Variants in CCNY observed in about 807,000 individuals in gnomAD.
The protein encoded by CCNY is cyclin Y.
In CCNY, 19 loss-of-function variants were observed where a neutral mutation model predicts 42.8. The ratio of observed to expected loss-of-function variants is 0.44; its 90% CI spans 0.31 to 0.65. The LOEUF is 0.65. CCNY is among the 30% of genes least tolerant of loss of function. CCNY has a pLI of 0.07. For synonymous variants in CCNY, 165 were observed against 162.7 expected (o/e 1.01, Z -0.11); for missense variants, 370 against 437.3 (o/e 0.85, Z 1.37).
chr10:35,352,454 G>C (rs1201913788), intron 1 of CCNY, among the ~76,000 whole-genome samples: 1 of 152,228 alleles, frequency 6.6e-6, no homozygotes. Flanking sequence ...ACTAGGCTTA[G>C]AGCCACAGCC....
chr10:35,459,889 G>A lies in CCNY; in HGVS notation c.155-23515G>A, dbSNP rs373577034. ...ACTTGGAGGGAGTACTTTATACCAGGACTAACAAGTACAGCTAACTGATCT... is the reference window on the plus strand; with the variant it reads ...ACTTGGAGGGAGTACTTTATACCAGAACTAACAAGTACAGCTAACTGATCT... On this transcript the variant is annotated intron_variant, in intron 1 of 9. Coordinates refer to ENST00000374704, the MANE Select transcript of CCNY (RefSeq NM_145012.6). Among the ~76,000 whole-genome samples, 5 of 152,100 alleles carry A rather than the reference G, an allele frequency of 3.3e-5. No homozygotes were observed. In the East Asian group the frequency reaches 5.8e-4, roughly 18 times the overall value.
At chr10:35,485,990 C>A (rs549251913) in intron 2 of CCNY, among the ~76,000 whole-genome samples, 15 of 152,158 alleles carry the variant, frequency 9.9e-5, no homozygotes, top group African/African-American at 3.6e-4. Context: ...TGTCAACTGT[C>A]GTGTCTAACC....
chr10:35,305,597 T>A (rs1026241290), intron 3 of CCNY, among the ~76,000 whole-genome samples: 4 of 152,246 alleles, frequency 2.6e-5, no homozygotes, highest in Admixed American at 2.6e-4. Context: ...GTAAGGTTTG[T>A]GCTACTTATC....
chr10:35,527,247 A>G (rs1404868603), intron 5 of CCNY, among the ~76,000 whole-genome samples: 1 of 152,146 alleles, frequency 6.6e-6, no homozygotes, highest in Non-Finnish European at 1.5e-5. Flanking sequence ...GAAAGTGTAG[A>G]TTTTATCTTG....
At chr10:35,430,104 G>A (rs1183212025) in intron 1 of CCNY, among the ~76,000 whole-genome samples, 1 of 151,806 alleles carries the variant, frequency 6.6e-6, no homozygotes, top group African/African-American at 2.4e-5. Context: ...TTGGGAGGCC[G>A]AGGCGGGCGG....
At chr10:35,331,736 A>G (rs1259299126), upstream of CCNY, among the ~76,000 whole-genome samples, 3 of 152,208 alleles carry the variant, frequency 2.0e-5, no homozygotes, top group Admixed American at 2.0e-4. Flanking sequence ...ATTTGGACGC[A>G]CAATTTCTGG....
intron 1 of CCNY, among the ~76,000 whole-genome samples, chr10:35,348,508 G>A (rs1836356281): frequency 6.6e-6 from 1 of 152,226 alleles, no homozygotes; most frequent in Admixed American, 6.5e-5. Context: ...TCTGAAGCAG[G>A]AGGATACGAC....
chr10:35,452,626 A>C (rs1307826418), intron 1 of CCNY, among the ~76,000 whole-genome samples: 1 of 152,170 alleles, frequency 6.6e-6, no homozygotes, highest in Non-Finnish European at 1.5e-5. Context: ...TTTCAGAATA[A>C]AATTCTTGTC....
chr10:35,354,587 A>G (rs190153531), intron 1 of CCNY, among the ~76,000 whole-genome samples: 1 of 152,360 alleles, frequency 6.6e-6, no homozygotes, highest in African/African-American at 2.4e-5. Flanking sequence ...TATTAATACA[A>G]GAGTGTGAAT....
Position 35,337,206 on chromosome 10 carries a change from C to A in CCNY, c.153C>A (p.Asp51Glu). ...LQHISDRENI[D>E]DLNMEFNPSD... The stretch of plus-strand genomic sequence containing the variant: ...ACATCAGCGACCGGGAGAACATAGA[C>A]GGTGAGTGCGGCCCGCCGAGCCCCC... The change falls in exon 1 of 10, where the codon GAC (aspartate) becomes GAA (glutamate). Residue 51 changes from aspartate to glutamate, a missense_variant and splice_region_variant. Transcript: ENST00000374704. The A allele has an allele frequency of 1.3e-6, 2 of 1,538,178 alleles. No individual in the cohort carries two copies. The highest frequency in any genetic ancestry group is 1.2e-5 in the South Asian group (1 of 83,162).
chr10:35,404,848 G>A (rs6481954), intron 1 of CCNY, among the ~76,000 whole-genome samples: 147,567 of 152,218 alleles, frequency 0.97, 71,705 homozygotes, highest in East Asian at 1. Flanking sequence ...GACTGAAGTA[G>A]TAGGGGCTGT....
chr10:35,445,601 T>C (rs1256727502), intron 1 of CCNY, among the ~76,000 whole-genome samples: 3 of 152,148 alleles, frequency 2.0e-5, no homozygotes, highest in African/African-American at 7.2e-5. Flanking sequence ...AAGCCATGTT[T>C]TGAGGCTATT....
intron 3 of CCNY, among the ~76,000 whole-genome samples, chr10:35,301,977 T>TA (rs1325828404): frequency 1.6e-4 from 25 of 152,034 alleles, no homozygotes; most frequent in African/African-American, 5.5e-4. Context: ...TTTATTTATT[T>TA]TTTGAGGCGG....
chr10:35,427,212 G>C (rs1838290970), intron 1 of CCNY, among the ~76,000 whole-genome samples: 1 of 152,200 alleles, frequency 6.6e-6, no homozygotes, highest in African/African-American at 2.4e-5. Context: ...TTTGTCAGTC[G>C]AGCGTTGTTG....
chr10:35,486,368 C>G (rs1184273051), intron 2 of CCNY, among the ~76,000 whole-genome samples: 1 of 152,178 alleles, frequency 6.6e-6, no homozygotes, highest in Non-Finnish European at 1.5e-5. Context: ...TACTAGTACA[C>G]CATTGCATCC....
chr10:35,290,049 C>A (rs193231501), intron 3 of CCNY, among the ~76,000 whole-genome samples: 8 of 151,844 alleles, frequency 5.3e-5, no homozygotes, highest in African/African-American at 1.9e-4. Flanking sequence ...CATGGTGGAA[C>A]CCTGCTGTCT....
At chr10:35,477,888 C>A (rs1461989164) in intron 1 of CCNY, among the ~76,000 whole-genome samples, 3 of 148,228 alleles carry the variant, frequency 2.0e-5, no homozygotes, top group Non-Finnish European at 3.0e-5. Flanking sequence ...TCTAGAAAAC[C>A]CCATTGTCTC....
upstream of CCNY, among the ~76,000 whole-genome samples, chr10:35,335,162 T>C (rs1564371511): frequency 1.4e-5 from 2 of 144,690 alleles, no homozygotes; most frequent in African/African-American, 5.1e-5. Flanking sequence ...TTCTTCCCAA[T>C]AAAGGCAAGA....
chr10:35,399,369 G>A (rs540889871), intron 1 of CCNY, among the ~76,000 whole-genome samples: 2 of 151,618 alleles, frequency 1.3e-5, no homozygotes, highest in East Asian at 1.9e-4. Context: ...TGTCTTGGGT[G>A]TCTACTCCAC....
Sources: allele counts gnomAD v4.1 joint callset (sites outside exome capture counted in the v4.1 genomes callset), GRCh38; gene constraint gnomAD v4.1.1; transcripts MANE v1.5; gene names NCBI Gene and HGNC (gene_info 2026-07-23, HGNC 2026-07-21).